LEPROT: variants seen among roughly 807,000 people sequenced by gnomAD.
LEPROT encodes leptin receptor gene-related protein.
Under a neutral mutation model 15.4 loss-of-function variants are expected in LEPROT, and 3 were observed. The ratio of observed to expected loss-of-function variants is 0.19; its 90% confidence interval spans 0.09 to 0.50. The LOEUF is 0.50. LEPROT is among the 20% of genes least tolerant of loss of function. The pLI, the probability that LEPROT is intolerant of heterozygous loss-of-function variation, is 0.97. For missense variants in LEPROT, 137 were observed against 162.2 expected (o/e 0.84, Z 0.84); for synonymous variants, 59 against 57.5 (o/e 1.03, Z -0.12).
In LEPROT at chr1:65,433,340, G is replaced by A. The variant is rs902144567; in HGVS notation, c.*1421G>A. 9.1e-6 allele frequency: 9 copies of A among 985,194 alleles called. No homozygotes were observed. The Admixed American group carries it at 5.5e-4, about 61-fold the overall frequency. 61.0% of individuals were successfully genotyped at this position (985,194 alleles called of 1,614,324 possible). A position where few individuals can be genotyped will look rare whatever the true frequency, so the allele number is the denominator to read the frequency against. ...GTAGGTCTTTTCTATATAACTTTAT[G>A]CCACCCTTAAATGAATCATTGGGTA... On this transcript the variant is annotated 3_prime_UTR_variant, in exon 4 of 4. Coordinates refer to ENST00000371065, the MANE Select transcript of LEPROT (RefSeq NM_017526.5).
At chr1:65,426,867 A>AC (rs1646384759) in intron 2 of LEPROT, among the ~76,000 whole-genome samples, 1 of 152,072 alleles carries the variant, frequency 6.6e-6, no homozygotes, top group Non-Finnish European at 1.5e-5. Context: ...GCGTGGTGGC[A>AC]CACGCCTGTA....
chr1:65,434,211 T>A lies in LEPROT; in HGVS notation c.*2292T>A. 2 of 981,216 alleles carry A rather than the reference T, an allele frequency of 2.0e-6. No homozygotes were observed. Among genetic ancestry groups the A allele is most frequent in the Non-Finnish European group, 2.4e-6 (2 of 826,126 alleles). 60.8% of individuals were successfully genotyped at this position (981,216 alleles called of 1,614,324 possible). Reference sequence around the variant, plus strand: ...AGAGCTATTCTGCAGTGCCTAAATATCATTTAAACAGTAAATATTAATAGG... The same window carrying A: ...AGAGCTATTCTGCAGTGCCTAAATAACATTTAAACAGTAAATATTAATAGG... On this transcript the variant is annotated 3_prime_UTR_variant, in exon 4 of 4. Coordinates refer to ENST00000371065, the MANE Select transcript of LEPROT (RefSeq NM_017526.5).
rs141394315 is a variant in LEPROT at position 65,432,320 on chromosome 1, G to C, written c.*401G>C. The stretch of plus-strand genomic sequence containing the variant: ...GCCGGGGTGGATCCCTCTTTGTGTT[G>C]TAGTCCATGCTATTAAAAGTGTGGC... On this transcript the variant is annotated 3_prime_UTR_variant, in exon 4 of 4. Coordinates refer to ENST00000371065, the MANE Select transcript of LEPROT (RefSeq NM_017526.5). The C allele has an allele frequency of 2.9e-4, 285 of 990,676 alleles. 1 individual carries two copies. The African/African-American group carries it at 4.5e-3, about 16-fold the overall frequency. 61.4% of individuals were successfully genotyped at this position (990,676 alleles called of 1,614,324 possible). A position where few individuals can be genotyped will look rare whatever the true frequency, so the allele number is the denominator to read the frequency against.
intron 1 of LEPROT, among the ~76,000 whole-genome samples, chr1:65,423,970 T>A (rs1646306029): frequency 1.3e-5 from 2 of 152,238 alleles, no homozygotes; most frequent in Non-Finnish European, 2.9e-5. Context: ...TCTCATTTAA[T>A]TCCCATAAGC....
intron 3 of LEPROT, among the ~76,000 whole-genome samples, chr1:65,431,377 G>A (rs1170855102): frequency 6.6e-6 from 1 of 152,170 alleles, no homozygotes; most frequent in Non-Finnish European, 1.5e-5. Context: ...TCAGTTGTAT[G>A]AAGACTATTA....
At chr1:65,426,098 A>C (rs1478184812) in intron 2 of LEPROT, among the ~76,000 whole-genome samples, 3 of 135,442 alleles carry the variant, frequency 2.2e-5, no homozygotes, top group African/African-American at 1.1e-4. Flanking sequence ...GAAGCTGGGA[A>C]GACAGTGGTC....
In LEPROT at chr1:65,433,552, A is replaced by C. The variant is rs898052436; in HGVS notation, c.*1633A>C. On this transcript the variant is annotated 3_prime_UTR_variant, in exon 4 of 4. Coordinates refer to ENST00000371065, the MANE Select transcript of LEPROT (RefSeq NM_017526.5). ...CTTAATCCTTGAGGCTTGTGATCTGAGTAATTAGCAGGTATGATGCTGGGA... is the reference window on the plus strand; with the variant it reads ...CTTAATCCTTGAGGCTTGTGATCTGCGTAATTAGCAGGTATGATGCTGGGA... 3 of 985,310 alleles carry C rather than the reference A, an allele frequency of 3.0e-6. No individual in the cohort carries two copies. The highest frequency in any genetic ancestry group is 1.7e-5 in the African/African-American group (1 of 57,254). The allele number at this position is 985,310 out of a possible 1,614,324, so 61.0% of individuals were successfully genotyped here. A position where few individuals can be genotyped will look rare whatever the true frequency, so the allele number is the denominator to read the frequency against.
In LEPROT at chr1:65,435,896, T is replaced by G. The variant is rs1198844694; in HGVS notation, c.*3977T>G. On this transcript the variant is annotated 3_prime_UTR_variant, in exon 4 of 4. Coordinates refer to ENST00000371065, the MANE Select transcript of LEPROT (RefSeq NM_017526.5). ...TCCCACTGAGTAATAGCTCATAAAT[T>G]ATAATCTTTCAAATAGCCATGCTAC... 1.0e-6 allele frequency: 1 copy of G among 984,668 alleles called. No individual in the cohort carries two copies. Among genetic ancestry groups the G allele is most frequent in the Admixed American group, 6.1e-5 (1 of 16,266 alleles). 61.0% of individuals were successfully genotyped at this position (984,668 alleles called of 1,614,324 possible). A position where few individuals can be genotyped will look rare whatever the true frequency, so the allele number is the denominator to read the frequency against.
At chr1:65,430,440 C>CATGAT (rs1646464252) in intron 3 of LEPROT, 1 of 156,414 alleles carries the variant, frequency 6.4e-6, no homozygotes, top group Non-Finnish European at 1.4e-5. Context: ...ACTCTCAACT[C>CATGAT]AGTATAATAG....
At position 65,432,596 on chromosome 1, in the gene LEPROT, C is replaced by A; in HGVS notation, c.*677C>A. The A allele has an allele frequency of 1.0e-6, 1 of 979,626 alleles. No individual in the cohort carries two copies. The highest frequency in any genetic ancestry group is 1.8e-5 in the African/African-American group (1 of 56,856). The allele number at this position is 979,626 out of a possible 1,614,324, so 60.7% of individuals were successfully genotyped here. A position where few individuals can be genotyped will look rare whatever the true frequency, so the allele number is the denominator to read the frequency against. ...AAAAAAAAAAAGTCTCACCTGCTTTCATGCTGAGGACAAGTTCAGATGTTC... is the reference window on the plus strand; with the variant it reads ...AAAAAAAAAAAGTCTCACCTGCTTTAATGCTGAGGACAAGTTCAGATGTTC... On this transcript the variant is annotated 3_prime_UTR_variant, in exon 4 of 4. Coordinates refer to ENST00000371065, the MANE Select transcript of LEPROT (RefSeq NM_017526.5).
chr1:65,427,078 C>T (rs1646391486), intron 2 of LEPROT, among the ~76,000 whole-genome samples: 1 of 151,948 alleles, frequency 6.6e-6, no homozygotes, highest in Non-Finnish European at 1.5e-5. Flanking sequence ...TCAAATCCAT[C>T]ACCGCAGTCC....
chr1:65,423,466 G>C (rs1320307791), intron 1 of LEPROT, among the ~76,000 whole-genome samples: 5 of 152,206 alleles, frequency 3.3e-5, no homozygotes, highest in African/African-American at 9.6e-5. Flanking sequence ...GCAGTACCTA[G>C]CTTTGACAGG....
chr1:65,422,900 C>A (rs1018441470), intron 1 of LEPROT, among the ~76,000 whole-genome samples: 1 of 152,198 alleles, frequency 6.6e-6, no homozygotes, highest in African/African-American at 2.4e-5. Flanking sequence ...GTTGAAAGAT[C>A]ACTGTCTGCT....
intron 3 of LEPROT, among the ~76,000 whole-genome samples, chr1:65,430,550 C>T (rs1646466363): frequency 1.3e-5 from 2 of 152,182 alleles, no homozygotes; most frequent in East Asian, 3.9e-4. Flanking sequence ...CTTCAGAGTA[C>T]ACATTGTAGG....
intron 2 of LEPROT, among the ~76,000 whole-genome samples, chr1:65,428,485 A>G (rs1162144899): frequency 1.3e-5 from 2 of 152,214 alleles, no homozygotes; most frequent in South Asian, 2.1e-4. Flanking sequence ...TTCTTGAAAC[A>G]TACTATCATC....
In LEPROT at chr1:65,429,923, G is replaced by C; in HGVS notation, c.154G>C (p.Ala52Pro). The change falls in exon 3 of 4, where the codon GCC (alanine) becomes CCC (proline). Residue 52 changes from alanine to proline, a missense_variant. Ala to Pro is a conservative substitution (Grantham distance 27). Transcript: ENST00000371065. ...HAISPIPHFI[A>P]KRVTYDSDAT... ...CATCTCCCCCATCCCCCATTTCATT[G>C]CCAAAAGAGTCACCTATGACTCAGA... is the stretch of plus-strand genomic sequence containing the variant. 4 of 1,551,688 alleles carry C rather than the reference G, an allele frequency of 2.6e-6. No homozygotes were observed. Among genetic ancestry groups the C allele is most frequent in the Non-Finnish European group, 3.5e-6 (4 of 1,135,798 alleles).
chr1:65,435,365 TC>T lies in LEPROT; in HGVS notation c.*3447del, dbSNP rs1207852381. ...GTGTCACAAAATGTGCCTTTTCTTT[TC>T]TTTTTTTTTTTTTTTTTTTGAGGCA... is the stretch of plus-strand genomic sequence containing the variant. On this transcript the variant is annotated 3_prime_UTR_variant, in exon 4 of 4. Coordinates refer to ENST00000371065, the MANE Select transcript of LEPROT (RefSeq NM_017526.5). The T allele has an allele frequency of 1.3e-5, 12 of 901,222 alleles. No homozygotes were observed. In the African/African-American group the frequency reaches 2.2e-4, roughly 17 times the overall value. The allele number at this position is 901,222 out of a possible 1,614,324, so 55.8% of individuals were successfully genotyped here.
At position 65,432,182 on chromosome 1, in the gene LEPROT, T is replaced by C. The variant is rs1230345828; in HGVS notation, c.*263T>C. ...GTCACGGTGCTCTCAGAAAATATAT[T>C]AACGCAGTCTTGTAGGCAGCTGCCA... is the stretch of plus-strand genomic sequence containing the variant. On this transcript the variant is annotated 3_prime_UTR_variant, in exon 4 of 4. Transcript: ENST00000371065. 1.2e-5 allele frequency: 13 copies of C among 1,121,066 alleles called. No homozygotes were observed. The highest frequency in any genetic ancestry group is 3.9e-4 in the Middle Eastern group (1 of 2,576). 69.4% of individuals were successfully genotyped at this position (1,121,066 alleles called of 1,614,324 possible). A position where few individuals can be genotyped will look rare whatever the true frequency, so the allele number is the denominator to read the frequency against.
intron 2 of LEPROT, among the ~76,000 whole-genome samples, chr1:65,428,258 C>T (rs17127608): frequency 0.04 from 6,031 of 152,020 alleles, 411 homozygotes; most frequent in African/African-American, 0.14. Flanking sequence ...AGTTGGATAT[C>T]GGTGGCTTAC....
Sources: gnomAD v4.1 joint callset for allele counts (sites outside exome capture counted in the v4.1 genomes callset) on GRCh38, gnomAD v4.1.1 for gene constraint, MANE v1.5 for transcripts, NCBI Gene and HGNC (gene_info 2026-07-23, HGNC 2026-07-21) for gene names.